MAP1B: variants seen among roughly 807,000 people sequenced by gnomAD.
MAP1B encodes the protein microtubule-associated protein 1B.
A neutral mutation model predicts 176.1 loss-of-function variants in MAP1B; 12 were observed. The ratio of observed to expected loss-of-function variants is 0.07; its 90% CI spans 0.04 to 0.11. MAP1B has a LOEUF of 0.11. Among genes scored for constraint, MAP1B ranks in the 10% least tolerant of loss-of-function variants. The probability of loss-of-function intolerance (pLI) is 1.00; values close to 1 mark genes in which losing one functional copy is unlikely to be tolerated. For synonymous variants in MAP1B, 1,044 were observed against 1,135.0 expected, an observed-to-expected ratio of 0.92 and a Z score of 1.61; for missense variants, 2,523 against 2,990.5, an observed-to-expected ratio of 0.84 and a Z score of 3.65.
At chr5:72,193,665 C>A (rs1279145431) in intron 4 of MAP1B, among the ~76,000 whole-genome samples, 2 of 152,044 alleles carry the variant, frequency 1.3e-5, no homozygotes, top group African/African-American at 2.4e-5. Context: ...AGCAGCGGGG[C>A]TCAGGACAAA....
intron 2 of MAP1B, among the ~76,000 whole-genome samples, chr5:72,153,613 T>G (rs1746181743): frequency 6.6e-6 from 1 of 151,662 alleles, no homozygotes; most frequent in Admixed American, 6.6e-5. Flanking sequence ...GTGGTGGTGG[T>G]GGTGGTGGTG....
At chr5:72,127,262 A>C (rs1262198858) in intron 2 of MAP1B, among the ~76,000 whole-genome samples, 3 of 152,242 alleles carry the variant, frequency 2.0e-5, no homozygotes, top group Admixed American at 6.5e-5. Context: ...GCAAGTTAGT[A>C]CATGCAGATA....
At position 72,113,207 on chromosome 5, in the gene MAP1B, T is replaced by G. The variant is rs377573301; in HGVS notation, c.185-2491T>G. Reference sequence around the variant, plus strand: ...AAATTGGTATGGAAAGTGGCCTGATTCCAAAATTTTCCTTTCCAACTAAAA... The same window carrying G: ...AAATTGGTATGGAAAGTGGCCTGATGCCAAAATTTTCCTTTCCAACTAAAA... On this transcript the variant is annotated intron_variant, in intron 1 of 6. Coordinates refer to ENST00000296755, the MANE Select transcript of MAP1B (RefSeq NM_005909.5). Among the ~76,000 whole-genome samples, 5 of 152,198 alleles carry G rather than the reference T, an allele frequency of 3.3e-5. No individual in the cohort carries two copies. In the East Asian group the frequency reaches 9.6e-4, roughly 29 times the overall value.
intron 2 of MAP1B, among the ~76,000 whole-genome samples, chr5:72,160,435 G>C (rs1269057763): frequency 6.6e-6 from 1 of 152,170 alleles, no homozygotes; most frequent in African/African-American, 2.4e-5. Context: ...AATGAGTGTA[G>C]GCTGGGAATA....
chr5:72,126,363 A>T (rs1745630686), intron 2 of MAP1B, among the ~76,000 whole-genome samples: 1 of 152,250 alleles, frequency 6.6e-6, no homozygotes, highest in Non-Finnish European at 1.5e-5. Flanking sequence ...AAACATTAAT[A>T]GTCAGTGGAA....
intron 1 of MAP1B, among the ~76,000 whole-genome samples, chr5:72,110,534 A>G (rs1470807006): frequency 6.6e-6 from 1 of 152,198 alleles, no homozygotes; most frequent in Admixed American, 6.5e-5. Context: ...CCTGTGCACG[A>G]CAAGCTGCTG....
intron 1 of MAP1B, among the ~76,000 whole-genome samples, chr5:72,111,259 AT>A (rs556334902): frequency 2.7e-4 from 40 of 148,672 alleles, no homozygotes; most frequent in African/African-American, 5.2e-4. Context: ...TCATTGTTTC[AT>A]TTTTTTTTTA....
At chr5:72,178,825 A>G (rs953063760) in intron 2 of MAP1B, among the ~76,000 whole-genome samples, 5 of 152,058 alleles carry the variant, frequency 3.3e-5, no homozygotes, top group Non-Finnish European at 7.4e-5. Context: ...CTAGAAATTT[A>G]CATACATAGA....
At chr5:72,139,242 T>A (rs2112151313) in intron 2 of MAP1B, among the ~76,000 whole-genome samples, 1 of 152,274 alleles carries the variant, frequency 6.6e-6, no homozygotes, top group East Asian at 1.9e-4. Flanking sequence ...AACTTACTAA[T>A]CTATGATCTC....
At chr5:72,147,848 G>T (rs898032099) in intron 2 of MAP1B, among the ~76,000 whole-genome samples, 5 of 152,176 alleles carry the variant, frequency 3.3e-5, no homozygotes, top group Non-Finnish European at 5.9e-5. Flanking sequence ...GATCCAGTTT[G>T]CTGTCTGCAC....
At chr5:72,147,768 C>T (rs779539795) in intron 2 of MAP1B, among the ~76,000 whole-genome samples, 3 of 152,124 alleles carry the variant, frequency 2.0e-5, no homozygotes, top group Non-Finnish European at 4.4e-5. Flanking sequence ...AAATTGGTTA[C>T]TATTTGATGG....
chr5:72,116,190 T>C (rs1452363798), intron 2 of MAP1B, among the ~76,000 whole-genome samples: 1 of 152,164 alleles, frequency 6.6e-6, no homozygotes, highest in African/African-American at 2.4e-5. Flanking sequence ...ACAAACTATT[T>C]AAATGTTAAT....
intron 2 of MAP1B, among the ~76,000 whole-genome samples, chr5:72,157,920 A>G (rs1746254094): frequency 1.3e-5 from 2 of 151,726 alleles, no homozygotes; most frequent in African/African-American, 4.8e-5. Context: ...GCTCACTGCA[A>G]CCTCAGCCTC....
chr5:72,162,653 GTGGA>G (rs1561302557), intron 2 of MAP1B, among the ~76,000 whole-genome samples: 1 of 152,124 alleles, frequency 6.6e-6, no homozygotes, highest in East Asian at 1.9e-4. Flanking sequence ...TGTCACCTCG[GTGGA>G]GTCCAGGGTC....
intron 2 of MAP1B, among the ~76,000 whole-genome samples, chr5:72,121,668 T>A (rs1398213190): frequency 6.6e-6 from 1 of 152,222 alleles, no homozygotes; most frequent in Non-Finnish European, 1.5e-5. Flanking sequence ...AGTTGAGTGA[T>A]AAGAAAATGA....
At chr5:72,108,973 CGTGGTGCAGTCCGCACTGCG>C (rs1440357596) in intron 1 of MAP1B, among the ~76,000 whole-genome samples, 1 of 152,196 alleles carries the variant, frequency 6.6e-6, no homozygotes, top group Non-Finnish European at 1.5e-5. Flanking sequence ...GGTTGGTGGG[CGTGGTGCAGTCCGCACTGCG>C]GTCTCTACGG....
chr5:72,170,326 A>G (rs982084344), intron 2 of MAP1B, among the ~76,000 whole-genome samples: 4 of 152,172 alleles, frequency 2.6e-5, no homozygotes, highest in African/African-American at 9.7e-5. Flanking sequence ...TCTAAAAACA[A>G]TGGTATGAAG....
In MAP1B at chr5:72,197,534, A is replaced by C; in HGVS notation, c.4179A>C (p.Lys1393Asn). 2 of 1,614,184 alleles carry C rather than the reference A, an allele frequency of 1.2e-6. No homozygotes were observed. The highest frequency in any genetic ancestry group is 1.7e-6 in the Non-Finnish European group (2 of 1,180,026). ...PVPDSESPIE[K>N]VLSPLRSPPL... ...CTGACTCAGAGTCTCCTATTGAAAA[A>C]GTTTTGTCTCCTTTACGCAGCCCGC... Residue 1393 changes from lysine (K) to asparagine (N), a missense_variant, in exon 5 of 7, where the codon AAA becomes AAC. Lys to Asn is a moderately conservative substitution (Grantham distance 94, BLOSUM62 0). Coordinates refer to ENST00000296755, the MANE Select transcript of MAP1B (RefSeq NM_005909.5).
intron 2 of MAP1B, among the ~76,000 whole-genome samples, chr5:72,149,407 G>C (rs528126032): frequency 2.0e-5 from 3 of 152,122 alleles, no homozygotes; most frequent in South Asian, 4.1e-4. Flanking sequence ...GCAAAATCTC[G>C]TTTTTCTTTT....
Sources: gnomAD v4.1 joint callset for allele counts (sites outside exome capture counted in the v4.1 genomes callset) on GRCh38, gnomAD v4.1.1 for gene constraint, MANE v1.5 for transcripts, NCBI Gene and HGNC (gene_info 2026-07-23, HGNC 2026-07-21) for gene names.